CA10: variants seen among roughly 807,000 people sequenced by gnomAD.
The protein encoded by CA10 is carbonic anhydrase-related protein 10.
CA10 carries 14 observed loss-of-function variants against 44.2 expected under a neutral mutation model. That is an observed-to-expected ratio of 0.32 (90% CI 0.21 to 0.50). The LOEUF is 0.50. Among genes scored for constraint, CA10 ranks in the 20% least tolerant of loss-of-function variants. CA10 has a pLI of 0.99. For missense variants in CA10, 350 were observed against 409.7 expected, an observed-to-expected ratio of 0.85 and a Z score of 1.26; for synonymous variants, 159 against 141.6, an observed-to-expected ratio of 1.12 and a Z score of -0.87.
chr17:51,643,238 TTTTA>T (rs1468118972), intron 6 of CA10, among the ~76,000 whole-genome samples: 3 of 152,160 alleles, frequency 2.0e-5, no homozygotes, highest in Non-Finnish European at 4.4e-5. Flanking sequence ...GAATACTACT[TTTTA>T]TTTAATTGGG....
chr17:51,960,783 A>G (rs1983857543), intron 2 of CA10, among the ~76,000 whole-genome samples: 1 of 152,212 alleles, frequency 6.6e-6, no homozygotes, highest in Admixed American at 6.5e-5. Context: ...AATATGAGAG[A>G]GGAAGTCAAA....
intron 4 of CA10, among the ~76,000 whole-genome samples, chr17:51,705,889 G>A (rs1028728770): frequency 2.6e-5 from 4 of 152,178 alleles, no homozygotes; most frequent in African/African-American, 9.7e-5. Flanking sequence ...ACTGTGCAAG[G>A]TAGGGGTAGT....
At chr17:51,676,720 C>T (rs1213477617) in intron 4 of CA10, among the ~76,000 whole-genome samples, 1 of 152,192 alleles carries the variant, frequency 6.6e-6, no homozygotes, top group Non-Finnish European at 1.5e-5. Context: ...GCAACACTCC[C>T]CACTTTTAGC....
At chr17:52,042,112 G>A (rs1246815274) in intron 2 of CA10, among the ~76,000 whole-genome samples, 2 of 152,072 alleles carry the variant, frequency 1.3e-5, no homozygotes, top group Non-Finnish European at 2.9e-5. Flanking sequence ...TATATACCCA[G>A]AAGTGAGACA....
At chr17:51,761,584 T>C (rs982180219) in intron 3 of CA10, 3 of 152,176 alleles carry the variant, frequency 2.0e-5, no homozygotes, top group South Asian at 4.1e-4. Context: ...CACTGCTTCT[T>C]CCTCCTCCCA....
chr17:51,778,244 C>T (rs1362149118), intron 3 of CA10, among the ~76,000 whole-genome samples: 5 of 152,110 alleles, frequency 3.3e-5, no homozygotes, highest in Non-Finnish European at 7.4e-5. Flanking sequence ...TGGGACCCAT[C>T]AACTCTGAAG....
intron 4 of CA10, among the ~76,000 whole-genome samples, chr17:51,734,894 C>A (rs1363106373): frequency 3.3e-5 from 5 of 152,214 alleles, no homozygotes; most frequent in African/African-American, 1.2e-4. Flanking sequence ...AGGCTCAGTT[C>A]TCTGGTGGAG....
chr17:51,974,945 T>C (rs1403290401), intron 2 of CA10, among the ~76,000 whole-genome samples: 2 of 152,200 alleles, frequency 1.3e-5, no homozygotes. Flanking sequence ...ATAATATTTT[T>C]ATGTTAAAGG....
At chr17:51,819,094 C>T (rs188147766) in intron 3 of CA10, among the ~76,000 whole-genome samples, 121 of 152,214 alleles carry the variant, frequency 7.9e-4, no homozygotes, top group African/African-American at 2.8e-3. Flanking sequence ...GGCTATCTGC[C>T]CAGTTTTATA....
Position 51,772,454 on chromosome 17 carries a change from G to GAT in CA10, c.280-24638_280-24637dup, listed in dbSNP as rs541477256. ...AGATTTCCTAAACTTGGCTGTTTTT[G>GAT]ATATATATATATCCCTAACATTTCA... On this transcript the variant is annotated intron_variant, in intron 3 of 8. Coordinates refer to ENST00000451037, the MANE Select transcript of CA10 (RefSeq NM_020178.5). Among the ~76,000 whole-genome samples, 378 of 152,020 alleles carry GAT rather than the reference G, an allele frequency of 2.5e-3. 3 individuals are homozygous for GAT. Among genetic ancestry groups the GAT allele is most frequent in the African/African-American group, 8.2e-3 (341 of 41,470 alleles).
rs1461861805 is a variant in CA10 at position 51,717,758 on chromosome 17, C to CATATATAT, written c.465+29874_465+29875insATATATAT. ...ATACGTATATATACATGTATATATA[C>CATATATAT]GTATATATGTATACATATATGCATG... On this transcript the variant is annotated intron_variant, in intron 4 of 8. Transcript: ENST00000451037. 9.8e-4 allele frequency among the ~76,000 whole-genome samples: 18 copies of CATATATAT among 18,430 alleles called. 3 individuals are homozygous for CATATATAT. The highest frequency in any genetic ancestry group is 3.6e-3 in the African/African-American group (18 of 4,948). The allele number at this position is 18,430 out of a possible 152,430, so 12.1% of individuals were successfully genotyped here. A position where few individuals can be genotyped will look rare whatever the true frequency, so the allele number is the denominator to read the frequency against.
chr17:51,809,287 C>T (rs1317039143), intron 3 of CA10, among the ~76,000 whole-genome samples: 1 of 152,178 alleles, frequency 6.6e-6, no homozygotes, highest in African/African-American at 2.4e-5. Context: ...CATTTCTAAA[C>T]ACCTATTATG....
intron 2 of CA10, among the ~76,000 whole-genome samples, chr17:52,053,939 A>AT (rs755494540): frequency 4.6e-5 from 7 of 152,038 alleles, no homozygotes; most frequent in Admixed American, 3.9e-4. Flanking sequence ...CGTCAGCTTC[A>AT]TAAACTGAGG....
intron 4 of CA10, among the ~76,000 whole-genome samples, chr17:51,704,052 G>A (rs775472946): frequency 6.6e-6 from 1 of 152,270 alleles, no homozygotes; most frequent in African/African-American, 2.4e-5. Flanking sequence ...GATCTCTTTC[G>A]ATTGTTTCTA....
At chr17:51,757,739 TCTCA>T (rs1163106411) in intron 3 of CA10, among the ~76,000 whole-genome samples, 1 of 152,262 alleles carries the variant, frequency 6.6e-6, no homozygotes, top group South Asian at 2.1e-4. Flanking sequence ...ACTGGGCTCT[TCTCA>T]CTGTTTGTCC....
rs548691850 is a variant in CA10 at position 51,790,681 on chromosome 17, G to A, written c.280-42863C>T. On this transcript the variant is annotated intron_variant, in intron 3 of 8. Transcript: ENST00000451037. ...AAAATATATTGGTGGCCTTAAGTGT[G>A]TGTCCAGATAAACTTAGTCTCAAAT... is the stretch of plus-strand genomic sequence containing the variant. Among the ~76,000 whole-genome samples, 4 of 152,338 alleles carry A rather than the reference G, an allele frequency of 2.6e-5. No homozygotes were observed. In the South Asian group the frequency reaches 8.3e-4, roughly 32 times the overall value.
intron 2 of CA10, among the ~76,000 whole-genome samples, chr17:51,954,130 A>G (rs1487700925): frequency 1.3e-5 from 2 of 152,170 alleles, no homozygotes; most frequent in Non-Finnish European, 2.9e-5. Context: ...AAGTGTTACA[A>G]TTTGACAGAA....
chr17:51,823,906 T>C (rs2143769504), intron 3 of CA10, among the ~76,000 whole-genome samples: 1 of 152,344 alleles, frequency 6.6e-6, no homozygotes, highest in South Asian at 2.1e-4. Context: ...CTTTATAACC[T>C]TTCTCAAAGC....
At chr17:51,806,890 A>G (rs1215007645) in intron 3 of CA10, among the ~76,000 whole-genome samples, 1 of 152,234 alleles carries the variant, frequency 6.6e-6, no homozygotes, top group Admixed American at 6.5e-5. Flanking sequence ...GGTGCTGGCT[A>G]GTACCTGGTT....
Sources: allele counts gnomAD v4.1 joint callset (sites outside exome capture counted in the v4.1 genomes callset), GRCh38; gene constraint gnomAD v4.1.1; transcripts MANE v1.5; gene names NCBI Gene and HGNC (gene_info 2026-07-23, HGNC 2026-07-21).